DIAPH3: variants seen among roughly 807,000 people sequenced by gnomAD.
DIAPH3 encodes the protein protein diaphanous homolog 3.
A neutral mutation model predicts 144.3 loss-of-function variants in DIAPH3; 117 were observed. That is an observed-to-expected ratio of 0.81 (90% CI 0.70 to 0.95). DIAPH3 has a LOEUF of 0.95. Ranked by LOEUF, DIAPH3 falls within the 40% of genes least tolerant of loss-of-function variation. The probability of loss-of-function intolerance (pLI) is 0.00; values close to 1 mark genes in which losing one functional copy is unlikely to be tolerated. For missense variants in DIAPH3, 1,421 were observed against 1,412.7 expected (o/e 1.01, Z -0.09); for synonymous variants, 519 against 488.9 (o/e 1.06, Z -0.81).
At chr13:59,698,666 C>T (rs562273215) in intron 27 of DIAPH3, among the ~76,000 whole-genome samples, 1 of 152,140 alleles carries the variant, frequency 6.6e-6, no homozygotes, top group Non-Finnish European at 1.5e-5. Flanking sequence ...AGGAATAGCA[C>T]AATAAGCCAT....
chr13:59,750,743 AG>A (rs1193799283), intron 27 of DIAPH3, among the ~76,000 whole-genome samples: 12 of 152,334 alleles, frequency 7.9e-5, no homozygotes, highest in Non-Finnish European at 1.3e-4. Context: ...TGGAAATAAA[AG>A]GAATAACCGT....
At chr13:60,149,090 G>A (rs1267356142) in intron 1 of DIAPH3, among the ~76,000 whole-genome samples, 1 of 152,208 alleles carries the variant, frequency 6.6e-6, no homozygotes, top group African/African-American at 2.4e-5. Context: ...GTTGAGGAAA[G>A]GGGTTGTTTG....
chr13:59,971,896 C>G (rs1339231132), intron 15 of DIAPH3, among the ~76,000 whole-genome samples: 2 of 152,200 alleles, frequency 1.3e-5, no homozygotes, highest in Non-Finnish European at 2.9e-5. Context: ...CCTCTTCAGT[C>G]TGAGCTAACA....
chr13:59,677,576 A>G (rs987326486), intron 27 of DIAPH3, among the ~76,000 whole-genome samples: 1 of 152,208 alleles, frequency 6.6e-6, no homozygotes, highest in African/African-American at 2.4e-5. Flanking sequence ...TCATACTTAC[A>G]GCAGATCTCT....
intron 4 of DIAPH3, among the ~76,000 whole-genome samples, chr13:60,089,868 G>A (rs1160080637): frequency 6.6e-6 from 1 of 152,164 alleles, no homozygotes; most frequent in African/African-American, 2.4e-5. Flanking sequence ...GTAATTTCCA[G>A]ATTGAATTAG....
chr13:59,768,191 G>A (rs910356467), intron 27 of DIAPH3, among the ~76,000 whole-genome samples: 9 of 152,082 alleles, frequency 5.9e-5, no homozygotes, highest in Admixed American at 5.2e-4. Flanking sequence ...GAAAGCCCAA[G>A]TGTAAGGGTG....
intron 24 of DIAPH3, among the ~76,000 whole-genome samples, chr13:59,830,884 G>A (rs1050275966): frequency 1.3e-5 from 2 of 151,808 alleles, no homozygotes; most frequent in African/African-American, 4.8e-5. Context: ...AAACAATATG[G>A]CATTGATCTC....
intron 2 of DIAPH3, among the ~76,000 whole-genome samples, chr13:60,116,255 A>G (rs1188286720): frequency 6.6e-6 from 1 of 152,098 alleles, no homozygotes; most frequent in Non-Finnish European, 1.5e-5. Flanking sequence ...TACACAGAAA[A>G]TGTAGGAGGT....
rs190837185 is a variant in DIAPH3 at position 59,873,152 on chromosome 13, T to C, written c.2607+6077A>G. Reference sequence around the variant, plus strand: ...GAAATCAGTATTTCTGTGATTTAACTGGCTGCATGTAAAATAAGAATGGCA... The same window carrying C: ...GAAATCAGTATTTCTGTGATTTAACCGGCTGCATGTAAAATAAGAATGGCA... On this transcript the variant is annotated intron_variant, in intron 21 of 27. Transcript: ENST00000400324. Among the ~76,000 whole-genome samples, 346 of 152,346 alleles carry C rather than the reference T, an allele frequency of 2.3e-3. 2 individuals are homozygous for C. The highest frequency in any genetic ancestry group is 7.6e-3 in the African/African-American group (316 of 41,578).
intron 2 of DIAPH3, among the ~76,000 whole-genome samples, chr13:60,128,453 ATT>A (rs1169637043): frequency 6.6e-6 from 1 of 152,138 alleles, no homozygotes; most frequent in Admixed American, 6.6e-5. Flanking sequence ...ATCATACCTC[ATT>A]TTTTGAAAGT....
intron 4 of DIAPH3, among the ~76,000 whole-genome samples, chr13:60,058,986 C>G (rs1280835103): frequency 6.6e-6 from 1 of 151,310 alleles, no homozygotes; most frequent in Admixed American, 6.6e-5. Context: ...ATACATGTAA[C>G]CAAAAACCAC....
At chr13:60,050,339 ATT>A (rs2141241469) in intron 4 of DIAPH3, among the ~76,000 whole-genome samples, 1 of 152,354 alleles carries the variant, frequency 6.6e-6, no homozygotes, top group East Asian at 1.9e-4. Flanking sequence ...AACTTGGCAT[ATT>A]TAGAGGACAG....
At chr13:59,859,229 C>T (rs2043431489) in intron 22 of DIAPH3, among the ~76,000 whole-genome samples, 1 of 152,006 alleles carries the variant, frequency 6.6e-6, no homozygotes. Context: ...AAGTTGGCTG[C>T]TCCCTGTGAA....
chr13:60,125,189 G>C (rs1477968941), intron 2 of DIAPH3, among the ~76,000 whole-genome samples: 2 of 151,954 alleles, frequency 1.3e-5, no homozygotes, highest in Non-Finnish European at 2.9e-5. Context: ...CTTCTAATTA[G>C]CAACCACAAT....
chr13:59,951,070 T>C (rs1320115275), intron 17 of DIAPH3, among the ~76,000 whole-genome samples: 1 of 152,060 alleles, frequency 6.6e-6, no homozygotes, highest in African/African-American at 2.4e-5. Flanking sequence ...ACATAAGTAA[T>C]GTTTTATGTG....
In DIAPH3 at chr13:59,710,011, T is replaced by C. The variant is rs1453113603; in HGVS notation, c.3320-43165A>G. On this transcript the variant is annotated intron_variant, in intron 27 of 27. Transcript: ENST00000400324. The stretch of plus-strand genomic sequence containing the variant: ...ATCGCAAGAACAAAAAACGAAACAC[T>C]GCATATTCTCACTCATAGGTGGGAA... Among the ~76,000 whole-genome samples, 6 of 151,402 alleles carry C rather than the reference T, an allele frequency of 4.0e-5. No individual in the cohort carries two copies. The South Asian group carries it at 6.3e-4, about 16-fold the overall frequency.
chr13:59,959,098 A>T (rs1417089090), intron 17 of DIAPH3, among the ~76,000 whole-genome samples: 8 of 152,138 alleles, frequency 5.3e-5, no homozygotes, highest in Non-Finnish European at 1.2e-4. Flanking sequence ...CTGGTTTCAA[A>T]TTCCTGACCT....
intron 1 of DIAPH3, among the ~76,000 whole-genome samples, chr13:60,162,931 CTA>C (rs1241975744): frequency 3.3e-5 from 5 of 152,040 alleles, no homozygotes; most frequent in African/African-American, 1.2e-4. Context: ...TATCAACCCT[CTA>C]TGTGATTTAT....
intron 27 of DIAPH3, among the ~76,000 whole-genome samples, chr13:59,701,961 A>G (rs946406750): frequency 6.6e-6 from 1 of 152,158 alleles, no homozygotes; most frequent in Non-Finnish European, 1.5e-5. Context: ...ATTATTTGTA[A>G]AAGTGTTAAG....
Sources: gnomAD v4.1 joint callset for allele counts (sites outside exome capture counted in the v4.1 genomes callset) on GRCh38, gnomAD v4.1.1 for gene constraint, MANE v1.5 for transcripts, NCBI Gene and HGNC (gene_info 2026-07-23, HGNC 2026-07-21) for gene names.